CFAP20: variants seen among roughly 807,000 people sequenced by gnomAD.
CFAP20 encodes the protein cilia and flagella associated protein 20, also known as cilia- and flagella-associated protein 20.
Under a neutral mutation model 25.5 loss-of-function variants are expected in CFAP20, and 14 were observed. The ratio of observed to expected loss-of-function variants is 0.55; its 90% CI spans 0.36 to 0.86. The LOEUF (loss-of-function observed/expected upper bound fraction) is 0.86, where lower values mean the gene tolerates loss of function less well. Ranked by LOEUF, CFAP20 falls within the 40% of genes least tolerant of loss-of-function variation. The pLI is 0.01. For missense variants in CFAP20, 181 were observed against 248.0 expected, an observed-to-expected ratio of 0.73 and a Z score of 1.81; for synonymous variants, 75 against 91.1, an observed-to-expected ratio of 0.82 and a Z score of 1.01.
At position 58,113,803 on chromosome 16, in the gene CFAP20, T is replaced by C; in HGVS notation, c.*222A>G. 1 of 562,776 alleles carries C rather than the reference T, an allele frequency of 1.8e-6. No individual in the cohort carries two copies. Among genetic ancestry groups the C allele is most frequent in the Non-Finnish European group, 3.2e-6 (1 of 313,778 alleles). The allele number at this position is 562,776 out of a possible 1,614,324, so 34.9% of individuals were successfully genotyped here. A position where few individuals can be genotyped will look rare whatever the true frequency, so the allele number is the denominator to read the frequency against. On this transcript the variant is annotated 3_prime_UTR_variant, in exon 6 of 6. Transcript: ENST00000262498. ...CAGGCGGCGGAATAAGCTCCAGCGT[T>C]CATGCGCCACTCACAGGACTGCTTA...
intron 1 of CFAP20, 183 bp from the exon 2 acceptor site, chr16:58,117,134 C>T: frequency 1.8e-6 from 1 of 550,600 alleles, no homozygotes; most frequent in Non-Finnish European, 3.2e-6. Flanking sequence ...CCAAGGGAAT[C>T]CCAGGTAACT....
intron 2 of CFAP20, chr16:58,116,570 T>C (rs1960460557): frequency 4.6e-6 from 2 of 431,492 alleles, no homozygotes; most frequent in Admixed American, 4.0e-5. Flanking sequence ...CTTTGGTTAA[T>C]AATATAGCTA....
In CFAP20 at chr16:58,115,251, C is replaced by G; in HGVS notation, c.465+18G>C. The G allele has an allele frequency of 1.9e-6, 3 of 1,614,100 alleles. No homozygotes were observed. Among genetic ancestry groups the G allele is most frequent in the Non-Finnish European group, 2.5e-6 (3 of 1,179,976 alleles). On this transcript the variant is annotated intron_variant, in intron 4 of 5. Coordinates refer to ENST00000262498, the MANE Select transcript of CFAP20 (RefSeq NM_013242.3). ...CCCTATCCCCAACCCAGGGCTCTAT[C>G]TGGGAAAGGAGCAGTACCTGCACTC...
chr16:58,115,299 G>A lies in CFAP20; in HGVS notation c.435C>T (p.Gly145=). 1 of 1,614,210 alleles carries A rather than the reference G, an allele frequency of 6.2e-7. No individual in the cohort carries two copies. The highest frequency in any genetic ancestry group is 8.5e-7 in the Non-Finnish European group (1 of 1,180,040). Residue 145 remains glycine (G), a synonymous_variant, in exon 4 of 6, where the codon GGC becomes GGT. Coordinates refer to ENST00000262498, the MANE Select transcript of CFAP20 (RefSeq NM_013242.3). ...CTCTGAGGGTCTCGATGTAATTGGT[G>A]CCGTATGCTCGCCGTGTGAAGTCTA... is the stretch of plus-strand genomic sequence containing the variant. The part of the protein sequence containing the change: ...NLLDFTRRAY[G]TNYIETLRVQ...
At chr16:58,128,855 G>A (rs1194856113) in intron 1 of CFAP20, among the ~76,000 whole-genome samples, 177 bp downstream of exon 1, 1 of 61,046 alleles carries the variant, frequency 1.6e-5, no homozygotes, top group African/African-American at 6.8e-5. Context: ...CTCCTCCGCT[G>A]CTTACACGAC....
intron 1 of CFAP20, among the ~76,000 whole-genome samples, chr16:58,122,203 G>T (rs1162244305): frequency 6.6e-6 from 1 of 152,252 alleles, no homozygotes; most frequent in Non-Finnish European, 1.5e-5. Flanking sequence ...CAGCAGACAA[G>T]CAACTCTGGG....
chr16:58,125,979 T>C (rs1960605403), intron 1 of CFAP20, among the ~76,000 whole-genome samples: 1 of 152,230 alleles, frequency 6.6e-6, no homozygotes, highest in East Asian at 1.9e-4. Flanking sequence ...ATGTGGTGCA[T>C]GACTACATAT....
chr16:58,124,665 T>G (rs1427754748), intron 1 of CFAP20, among the ~76,000 whole-genome samples: 1 of 152,232 alleles, frequency 6.6e-6, no homozygotes, highest in Non-Finnish European at 1.5e-5. Context: ...CACAACTGGA[T>G]AGGGCACTGG....
chr16:58,129,346 C>T lies in CFAP20; in HGVS notation c.-231G>A, dbSNP rs1455813153. The T allele has an allele frequency of 3.9e-6, 2 of 512,948 alleles. No homozygotes were observed. The highest frequency in any genetic ancestry group is 3.4e-5 in the Admixed American group (1 of 29,530). The allele number at this position is 512,948 out of a possible 1,614,324, so 31.8% of individuals were successfully genotyped here. On this transcript the variant is annotated 5_prime_UTR_variant, in exon 1 of 6. Transcript: ENST00000262498. ...GAGCTCAGAACGGAAACCACAGCAA[C>T]TACCGTCCGCGCCGCGGTATTTCCC... is the stretch of plus-strand genomic sequence containing the variant.
chr16:58,116,005 A>G, intron 3 of CFAP20, 36 bp downstream of exon 3: 1 of 1,466,620 alleles, frequency 6.8e-7, no homozygotes. Context: ...ACTTTGGTAT[A>G]GCCAAGAGTG....
At chr16:58,123,595 C>CAAAAAAAAAAAAAA (rs574037205) in intron 1 of CFAP20, among the ~76,000 whole-genome samples, 2 of 45,720 alleles carry the variant, frequency 4.4e-5, no homozygotes, top group Non-Finnish European at 8.5e-5. Flanking sequence ...GACTCTGTCT[C>CAAAAAAAAAAAAAA]AAAAAAAAAA....
chr16:58,129,354 C>G lies in CFAP20; in HGVS notation c.-239G>C. Reference sequence around the variant, plus strand: ...AACGGAAACCACAGCAACTACCGTCCGCGCCGCGGTATTTCCCCGCCTTCA... The same window carrying G: ...AACGGAAACCACAGCAACTACCGTCGGCGCCGCGGTATTTCCCCGCCTTCA... On this transcript the variant is annotated 5_prime_UTR_variant, in exon 1 of 6. Coordinates refer to ENST00000262498, the MANE Select transcript of CFAP20 (RefSeq NM_013242.3). 4.1e-6 allele frequency: 2 copies of G among 490,768 alleles called. No homozygotes were observed. The highest frequency in any genetic ancestry group is 6.1e-5 in the South Asian group (2 of 32,662). 30.4% of individuals were successfully genotyped at this position (490,768 alleles called of 1,614,324 possible).
rs1960417424 is a variant in CFAP20 at position 58,113,948 on chromosome 16, T to C, written c.*77A>G. Reference sequence around the variant, plus strand: ...GAGCAAACTAAGATAAATATGTTTTTGCATCGTCCTCCACATAGTTTCCTT... The same window carrying C: ...GAGCAAACTAAGATAAATATGTTTTCGCATCGTCCTCCACATAGTTTCCTT... On this transcript the variant is annotated 3_prime_UTR_variant, in exon 6 of 6. Transcript: ENST00000262498. 1 of 1,487,206 alleles carries C rather than the reference T, an allele frequency of 6.7e-7. No individual in the cohort carries two copies. The highest frequency in any genetic ancestry group is 9.4e-7 in the Non-Finnish European group (1 of 1,065,412). The allele number at this position is 1,487,206 out of a possible 1,614,324, so 92.1% of individuals were successfully genotyped here.
At position 58,114,820 on chromosome 16, in the gene CFAP20, T is replaced by C. The variant is rs1482508599; in HGVS notation, c.566A>G (p.Asn189Ser). 1 of 1,612,848 alleles carries C rather than the reference T, an allele frequency of 6.2e-7. No homozygotes were observed. The highest frequency in any genetic ancestry group is 8.5e-7 in the Non-Finnish European group (1 of 1,178,936). The change falls in exon 5 of 6, where the codon AAC becomes AGC. Residue 189 changes from asparagine to serine, a missense_variant. Asn to Ser is a conservative substitution (Grantham distance 46, BLOSUM62 1). Transcript: ENST00000262498. The part of the protein sequence containing the change: ...AEFKLYLPVQ[N>S]KAKQ Reference sequence around the variant, plus strand: ...GGAAGACTGGCTTACCTTTGCCTTGTTCTGAACTGGGAGATACAGTTTGAA... The same window carrying C: ...GGAAGACTGGCTTACCTTTGCCTTGCTCTGAACTGGGAGATACAGTTTGAA...
At chr16:58,125,876 T>C (rs1960604271) in intron 1 of CFAP20, among the ~76,000 whole-genome samples, 1 of 152,194 alleles carries the variant, frequency 6.6e-6, no homozygotes, top group South Asian at 2.1e-4. Context: ...CGAACAACTA[T>C]TATGTCACTA....
chr16:58,123,484 T>C (rs1376651401), intron 1 of CFAP20, among the ~76,000 whole-genome samples: 2 of 148,314 alleles, frequency 1.3e-5, no homozygotes, highest in Admixed American at 6.7e-5. Flanking sequence ...TAGTCCCAGC[T>C]ACTCCGGAGG....
intron 1 of CFAP20, 37 bp downstream of exon 1, chr16:58,128,995 C>A (rs781010200): frequency 5.7e-6 from 9 of 1,585,240 alleles, no homozygotes; most frequent in Non-Finnish European, 7.8e-6. Flanking sequence ...GGGGGTGCAG[C>A]CCCTCCACCC....
intron 1 of CFAP20, among the ~76,000 whole-genome samples, chr16:58,126,074 T>C (rs1170337898): frequency 6.6e-6 from 1 of 152,206 alleles, no homozygotes; most frequent in Non-Finnish European, 1.5e-5. Flanking sequence ...ACTGAATGGT[T>C]AAGGACATAG....
At chr16:58,120,881 G>A (rs749806769) in intron 1 of CFAP20, among the ~76,000 whole-genome samples, 1 of 152,168 alleles carries the variant, frequency 6.6e-6, no homozygotes, top group African/African-American at 2.4e-5. Context: ...CCAAGAGACT[G>A]TTTAACCCCC....
Sources: gnomAD v4.1 joint callset for allele counts (sites outside exome capture counted in the v4.1 genomes callset) on GRCh38, gnomAD v4.1.1 for gene constraint, MANE v1.5 for transcripts, NCBI Gene and HGNC (gene_info 2026-07-23, HGNC 2026-07-21) for gene names.